Variants in FMN2 observed in about 807,000 individuals in gnomAD.
FMN2 encodes the protein formin 2.
A neutral mutation model predicts 142.3 loss-of-function variants in FMN2; 51 were observed. The ratio of observed to expected loss-of-function variants is 0.36; its 90% confidence interval spans 0.29 to 0.45. The LOEUF (loss-of-function observed/expected upper bound fraction) is 0.45. Among genes scored for constraint, FMN2 ranks in the 20% least tolerant of loss-of-function variants. The pLI, the probability that FMN2 is intolerant of heterozygous loss-of-function variation, is 1.00. For synonymous variants in FMN2, 882 were observed against 869.8 expected (o/e 1.01, Z -0.25); for missense variants, 1,936 against 2,122.8 (o/e 0.91, Z 1.73).
intron 14 of FMN2, among the ~76,000 whole-genome samples, chr1:240,384,420 C>T (rs12563220): frequency 0.083 from 12,564 of 152,226 alleles, 602 homozygotes; most frequent in Middle Eastern, 0.11. Flanking sequence ...TGCCTCTGCA[C>T]AGCATTTTTG....
chr1:240,300,435 T>C (rs901214228), intron 8 of FMN2, among the ~76,000 whole-genome samples: 1 of 152,202 alleles, frequency 6.6e-6, no homozygotes, highest in Non-Finnish European at 1.5e-5. Flanking sequence ...GCCATCTGAT[T>C]TGTATTTACC....
intron 16 of FMN2, among the ~76,000 whole-genome samples, chr1:240,451,005 C>T (rs1401285330): frequency 1.3e-5 from 2 of 152,132 alleles, no homozygotes; most frequent in Non-Finnish European, 2.9e-5. Flanking sequence ...AGGAATTCAG[C>T]CCTATCCCTT....
chr1:240,148,492 GAA>G (rs1433339198), intron 2 of FMN2, among the ~76,000 whole-genome samples: 1 of 116,726 alleles, frequency 8.6e-6, no homozygotes, highest in African/African-American at 2.6e-5. Context: ...AAGAGAGAGA[GAA>G]AGAGAGGAGA....
chr1:240,332,965 T>G (rs17679345), intron 11 of FMN2, among the ~76,000 whole-genome samples: 121 of 152,318 alleles, frequency 7.9e-4, no homozygotes, highest in African/African-American at 2.5e-3. Flanking sequence ...GAGGGATATC[T>G]CTAATAGCTA....
chr1:240,462,624 C>G (rs886764743), intron 16 of FMN2, among the ~76,000 whole-genome samples: 3 of 152,144 alleles, frequency 2.0e-5, no homozygotes, highest in Admixed American at 1.3e-4. Flanking sequence ...GCATCATCAT[C>G]CATTCATTTA....
At chr1:240,356,009 A>T (rs1672259779) in intron 14 of FMN2, 101 bp downstream of exon 14, 9 of 755,372 alleles carry the variant, frequency 1.2e-5, no homozygotes, top group Non-Finnish European at 1.9e-5. Context: ...TGTTTAAAAA[A>T]TACATATTGC....
In FMN2 at chr1:240,092,572, G is replaced by C. The variant is rs754093554; in HGVS notation, c.463G>C (p.Gly155Arg). 4.3e-6 allele frequency: 7 copies of C among 1,613,464 alleles called. No homozygotes were observed. The highest frequency in any genetic ancestry group is 1.3e-5 in the African/African-American group (1 of 74,936). The change falls in exon 1 of 18, where the codon GGG becomes CGG. Residue 155 changes from glycine (G) to arginine (R), a missense_variant. Gly to Arg is a moderately radical substitution (Grantham distance 125). This residue lies in a region of FMN2 where 751 missense variants were observed against 791.8 expected (regional missense o/e 0.95). Transcript: ENST00000319653. ...GGPGPAEARV[G>R]GRPIAEDVET... is the part of the protein sequence containing the mutation. ...TCCTGGGCCTGCCGAGGCTAGGGTCGGGGGCCGGCCGATCGCCGAGGATGT... is the reference window on the plus strand; with the variant it reads ...TCCTGGGCCTGCCGAGGCTAGGGTCCGGGGCCGGCCGATCGCCGAGGATGT...
chr1:240,469,650 T>C (rs1192541543), intron 16 of FMN2, among the ~76,000 whole-genome samples: 1 of 152,226 alleles, frequency 6.6e-6, no homozygotes, highest in African/African-American at 2.4e-5. Flanking sequence ...GATTAAGATG[T>C]GCCTGTTAAA....
chr1:240,165,664 T>G (rs1664452490), intron 2 of FMN2, among the ~76,000 whole-genome samples: 1 of 152,054 alleles, frequency 6.6e-6, no homozygotes, highest in African/African-American at 2.4e-5. Flanking sequence ...GTGCAAATGC[T>G]TAGTTTGATC....
intron 1 of FMN2, among the ~76,000 whole-genome samples, chr1:240,110,295 C>T (rs1473060749): frequency 6.6e-6 from 1 of 152,188 alleles, no homozygotes; most frequent in Non-Finnish European, 1.5e-5. Context: ...ACTCTAGAAC[C>T]TTTTCATTCC....
At chr1:240,392,593 A>G in intron 15 of FMN2, 31 bp downstream of exon 15, 1 of 1,576,854 alleles carries the variant, frequency 6.3e-7, no homozygotes, top group Non-Finnish European at 8.7e-7. Flanking sequence ...CTCCCAGAAT[A>G]GCGTTATAAC....
chr1:240,437,777 A>G (rs1393814697), intron 15 of FMN2, among the ~76,000 whole-genome samples: 1 of 152,216 alleles, frequency 6.6e-6, no homozygotes, highest in Non-Finnish European at 1.5e-5. Context: ...CTTGATGACA[A>G]GTTCATTTCT....
intron 14 of FMN2, among the ~76,000 whole-genome samples, chr1:240,360,917 A>G (rs1672440957): frequency 6.6e-6 from 1 of 151,690 alleles, no homozygotes; most frequent in Non-Finnish European, 1.5e-5. Flanking sequence ...TGGAAATTGA[A>G]CAATGAGAAC....
intron 11 of FMN2, among the ~76,000 whole-genome samples, chr1:240,331,219 A>G (rs1215437813): frequency 6.6e-6 from 1 of 152,140 alleles, no homozygotes; most frequent in African/African-American, 2.4e-5. Context: ...AACAAAATAT[A>G]AAAGGTGATT....
chr1:240,259,606 T>C (rs1039733065), intron 7 of FMN2, among the ~76,000 whole-genome samples: 4 of 151,794 alleles, frequency 2.6e-5, no homozygotes, highest in Admixed American at 1.3e-4. Flanking sequence ...AGGATTTACA[T>C]GTGTGAATCG....
At chr1:240,357,195 T>C (rs1385259126) in intron 14 of FMN2, among the ~76,000 whole-genome samples, 1 of 152,192 alleles carries the variant, frequency 6.6e-6, no homozygotes, top group South Asian at 2.1e-4. Context: ...TTTTGTCTTA[T>C]AAGAAGAAAG....
At chr1:240,180,017 A>AT (rs1308738462) in intron 3 of FMN2, among the ~76,000 whole-genome samples, 1 of 152,182 alleles carries the variant, frequency 6.6e-6, no homozygotes, top group Non-Finnish European at 1.5e-5. Flanking sequence ...GATAACCTGA[A>AT]TTTTAGTTTG....
chr1:240,221,189 C>A lies in FMN2; in HGVS notation c.4065+9954C>A, dbSNP rs532811426. On this transcript the variant is annotated intron_variant, in intron 6 of 17. Coordinates refer to ENST00000319653, the MANE Select transcript of FMN2 (RefSeq NM_020066.5). ...GCTGCAATAAACATATGTGTGCATG[C>A]GTCTTTATAGTAGAATGATTTATAA... Among the ~76,000 whole-genome samples the A allele has an allele frequency of 3.3e-5, 5 of 152,082 alleles. No homozygotes were observed. In the East Asian group the frequency reaches 7.8e-4, roughly 24 times the overall value.
At chr1:240,099,496 G>A (rs924490746) in intron 1 of FMN2, among the ~76,000 whole-genome samples, 13 of 152,056 alleles carry the variant, frequency 8.5e-5, no homozygotes, top group Admixed American at 3.9e-4. Context: ...AAGAGGAGGC[G>A]GTAGCTGACA....
Sources: allele counts gnomAD v4.1 joint callset (sites outside exome capture counted in the v4.1 genomes callset), GRCh38; gene constraint gnomAD v4.1.1; regional missense constraint gnomAD v4.1.1; transcripts MANE v1.5; gene names NCBI Gene and HGNC (gene_info 2026-07-23, HGNC 2026-07-21).